The following PARP4 variants were observed in gnomAD, a reference collection of about 807,000 sequenced individuals.
The protein encoded by PARP4 is protein mono-ADP-ribosyltransferase PARP4.
In PARP4, 120 loss-of-function variants were observed where a neutral mutation model predicts 187.7. That is an observed-to-expected ratio of 0.64 (90% CI 0.55 to 0.74). The LOEUF is 0.74. Among genes scored for constraint, PARP4 ranks in the 30% least tolerant of loss-of-function variants. The probability of loss-of-function intolerance (pLI) is 0.00; values close to 1 mark genes in which losing one functional copy is unlikely to be tolerated. For missense variants in PARP4, 1,836 were observed against 2,070.5 expected, an observed-to-expected ratio of 0.89 and a Z score of 2.20; for synonymous variants, 654 against 740.9, an observed-to-expected ratio of 0.88 and a Z score of 1.90.
chr13:24,437,292 T>C (rs1368040556), intron 30 of PARP4, among the ~76,000 whole-genome samples: 2 of 152,152 alleles, frequency 1.3e-5, no homozygotes, highest in East Asian at 1.9e-4. Flanking sequence ...TTTAAAAGTA[T>C]AATCTCTGAC....
At chr13:24,477,957 T>G in intron 13 of PARP4, 100 bp from the exon 14 acceptor site, 1 of 1,117,068 alleles carries the variant, frequency 9.0e-7, no homozygotes, top group South Asian at 1.7e-5. Flanking sequence ...ATTTAGAAAA[T>G]GTTGAATTAA....
chr13:24,432,750 T>C (rs1342257246), intron 31 of PARP4, among the ~76,000 whole-genome samples: 1 of 151,808 alleles, frequency 6.6e-6, no homozygotes, highest in Non-Finnish European at 1.5e-5. Flanking sequence ...ATATTAAACA[T>C]GCACTTTAAA....
At chr13:24,497,192 C>G (rs916838909) in intron 6 of PARP4, among the ~76,000 whole-genome samples, 1 of 144,012 alleles carries the variant, frequency 6.9e-6, no homozygotes, top group African/African-American at 2.4e-5. Flanking sequence ...TGATACTGAC[C>G]TAGGGCAAAG....
At chr13:24,424,763 C>T (rs1869933881) in intron 33 of PARP4, among the ~76,000 whole-genome samples, 1 of 151,126 alleles carries the variant, frequency 6.6e-6, no homozygotes, top group Admixed American at 6.6e-5. Flanking sequence ...GCTCTGCCTC[C>T]CAGGTTCACG....
At chr13:24,506,502 G>A (rs1869693889) in intron 1 of PARP4, among the ~76,000 whole-genome samples, 1 of 152,156 alleles carries the variant, frequency 6.6e-6, no homozygotes, top group Admixed American at 6.5e-5. Context: ...GCGCTGATTG[G>A]ACTGCTTTGA....
At chr13:24,452,697 C>A (rs985382074) in intron 23 of PARP4, 104 bp from the exon 24 acceptor site, 4 of 823,514 alleles carry the variant, frequency 4.9e-6, no homozygotes, top group African/African-American at 1.7e-5. Flanking sequence ...ATGGTGACAC[C>A]GAAAATATTT....
Position 24,474,200 on chromosome 13 carries a change from C to T in PARP4, c.1914+1272G>A, listed in dbSNP as rs1872866007. 2.0e-5 allele frequency among the ~76,000 whole-genome samples: 3 copies of T among 152,166 alleles called. No individual in the cohort carries two copies. The South Asian group carries it at 6.2e-4, about 31-fold the overall frequency. On this transcript the variant is annotated intron_variant, in intron 15 of 33. Transcript: ENST00000381989. ...CCGCTGTCTTTCTCTTGTGTCCCGT[C>T]CCCACCAGCAAATCTGATTGGCTCT...
At chr13:24,457,770 CAAA>C (rs33930012) in intron 20 of PARP4, among the ~76,000 whole-genome samples, 6 of 85,656 alleles carry the variant, frequency 7.0e-5, no homozygotes, top group African/African-American at 3.0e-4. Flanking sequence ...GACTCTGTCT[CAAA>C]AAAAAAAAAA....
In PARP4 at chr13:24,493,691, C is replaced by CT; in HGVS notation, c.783dup (p.Glu262ArgfsTer29). The CT allele has an allele frequency of 6.2e-7, 1 of 1,614,056 alleles. No individual in the cohort carries two copies. The highest frequency in any genetic ancestry group is 1.1e-5 in the South Asian group (1 of 91,076). On this transcript the variant is annotated frameshift_variant, in exon 8 of 34. Transcript: ENST00000381989. LOFTEE classifies it high-confidence loss of function. ...ATCATCTCTACTAAATCGCTCACCTCTTGGCTCAGAGTGCTTGAATTCATG... is the reference window on the plus strand; with the variant it reads ...ATCATCTCTACTAAATCGCTCACCTCTTTGGCTCAGAGTGCTTGAATTCATG...
chr13:24,475,636 C>G (rs368318257), intron 14 of PARP4, 40 bp from the exon 15 acceptor site: 24 of 1,597,380 alleles, frequency 1.5e-5, no homozygotes, highest in Non-Finnish European at 2.1e-5. Context: ...TCAAAACCAT[C>G]CCTGTCTATT....
intron 1 of PARP4, among the ~76,000 whole-genome samples, chr13:24,512,476 G>A (rs956237274): frequency 5.9e-5 from 9 of 152,138 alleles, no homozygotes; most frequent in African/African-American, 1.9e-4. Context: ...CCGGTTTCTC[G>A]TCACCAGGGC....
intron 12 of PARP4, among the ~76,000 whole-genome samples, 178 bp from the exon 13 acceptor site, chr13:24,478,454 T>TA (rs1354165844): frequency 1.3e-5 from 2 of 152,298 alleles, no homozygotes; most frequent in Admixed American, 1.3e-4. Flanking sequence ...TCTTTTTTTT[T>TA]AGACAGAATT....
intron 20 of PARP4, among the ~76,000 whole-genome samples, chr13:24,457,770 C>CAAAAAA (rs33930012): frequency 3.0e-4 from 26 of 85,646 alleles, no homozygotes; most frequent in African/African-American, 4.5e-4. Flanking sequence ...GACTCTGTCT[C>CAAAAAA]AAAAAAAAAA....
At chr13:24,427,613 G>C (rs1297768664) in intron 32 of PARP4, among the ~76,000 whole-genome samples, 1 of 152,020 alleles carries the variant, frequency 6.6e-6, no homozygotes, top group Non-Finnish European at 1.5e-5. Flanking sequence ...CTTTTTTTGA[G>C]TAAAGACAAA....
intron 9 of PARP4, 24 bp downstream of exon 9, chr13:24,492,397 G>T: frequency 6.4e-7 from 1 of 1,554,324 alleles, no homozygotes; most frequent in Non-Finnish European, 8.8e-7. Flanking sequence ...ATAATAAATA[G>T]AATTCTATAT....
chr13:24,475,553 G>C lies in PARP4; in HGVS notation c.1833C>G (p.Ala611=). The change falls in exon 15 of 34, where the codon GCC becomes GCG. Residue 611 remains alanine, a synonymous_variant. Coordinates refer to ENST00000381989, the MANE Select transcript of PARP4 (RefSeq NM_006437.4). ...PDAKTSSSTK[A]GLQDASGNLV... is the part of the protein sequence containing the mutation. ...AGTTCCCAGAGGCATCCTGGAGGCC[G>C]GCCTTGGTGCTGCTGGAAGTTTTGG... is the stretch of plus-strand genomic sequence containing the variant. 1 of 1,613,978 alleles carries C rather than the reference G, an allele frequency of 6.2e-7. No homozygotes were observed. The highest frequency in any genetic ancestry group is 1.1e-5 in the South Asian group (1 of 91,076).
chr13:24,479,569 G>A (rs1277724365), intron 12 of PARP4, among the ~76,000 whole-genome samples: 2 of 152,078 alleles, frequency 1.3e-5, no homozygotes, highest in African/African-American at 4.8e-5. Context: ...AGCTACTCTG[G>A]TGGGGCCTTG....
intron 31 of PARP4, 24 bp downstream of exon 31, chr13:24,434,371 T>C (rs1275410409): frequency 1.3e-6 from 2 of 1,515,886 alleles, no homozygotes; most frequent in Non-Finnish European, 1.8e-6. Context: ...CAACCACAGA[T>C]TTAAGGAGAA....
intron 17 of PARP4, among the ~76,000 whole-genome samples, chr13:24,463,222 A>C (rs7998600): frequency 0.51 from 77,274 of 151,846 alleles, 19,979 homozygotes; most frequent in South Asian, 0.65. Context: ...GAAGACAATG[A>C]AGTTAACATA....
Sources: gnomAD v4.1 joint callset for allele counts (sites outside exome capture counted in the v4.1 genomes callset) on GRCh38, gnomAD v4.1.1 for gene constraint, MANE v1.5 for transcripts, NCBI Gene and HGNC (gene_info 2026-07-23, HGNC 2026-07-21) for gene names.